The following CPAMD8 variants were observed in gnomAD, a reference collection of about 807,000 sequenced individuals.
CPAMD8 encodes the protein C3 and PZP-like alpha-2-macroglobulin domain-containing protein 8.
A neutral mutation model predicts 224.7 loss-of-function variants in CPAMD8; 146 were observed. That is an observed-to-expected ratio of 0.65 (90% CI 0.57 to 0.75). CPAMD8 has a LOEUF of 0.75. CPAMD8 is among the 30% of genes least tolerant of loss of function. The probability of loss-of-function intolerance (pLI) is 0.00; values close to 1 mark genes in which losing one functional copy is unlikely to be tolerated. For synonymous variants in CPAMD8, 966 were observed against 1,044.6 expected, an observed-to-expected ratio of 0.92 and a Z score of 1.45; for missense variants, 2,301 against 2,537.5, an observed-to-expected ratio of 0.91 and a Z score of 2.00.
At chr19:16,968,254 G>A (rs1014098406) in intron 18 of CPAMD8, among the ~76,000 whole-genome samples, 3 of 152,054 alleles carry the variant, frequency 2.0e-5, no homozygotes, top group African/African-American at 7.2e-5. Flanking sequence ...AGCCTAATCT[G>A]CCAATTCCCC....
At chr19:17,009,096 C>CAA in intron 6 of CPAMD8, 26 of 589,134 alleles carry the variant, frequency 4.4e-5, no homozygotes, top group East Asian at 9.7e-5. Flanking sequence ...GACTCCATTT[C>CAA]AAAAAAAAAA....
At chr19:16,894,458 A>T (rs1165487746) in intron 41 of CPAMD8, 3 of 456,510 alleles carry the variant, frequency 6.6e-6, no homozygotes, top group South Asian at 1.5e-5. Context: ...GAGGAGAAAG[A>T]TTCCTATGGG....
At chr19:17,018,746 A>ACACC in intron 3 of CPAMD8, among the ~76,000 whole-genome samples, 1 of 151,520 alleles carries the variant, frequency 6.6e-6, no homozygotes, top group African/African-American at 2.4e-5. Flanking sequence ...ACACACACAC[A>ACACC]CACACACACA....
intron 35 of CPAMD8, among the ~76,000 whole-genome samples, chr19:16,901,609 C>T (rs1161778648): frequency 6.6e-6 from 1 of 152,204 alleles, no homozygotes; most frequent in Non-Finnish European, 1.5e-5. Context: ...CTGGCGACCC[C>T]ACTCTGGACA....
At position 16,928,967 on chromosome 19, in the gene CPAMD8, A is replaced by G. The variant is rs749628327; in HGVS notation, c.3119T>C (p.Ile1040Thr). 1.2e-5 allele frequency: 19 copies of G among 1,611,594 alleles called. No homozygotes were observed. The South Asian group carries it at 2.1e-4, about 18-fold the overall frequency. ...LSWDEFRTFWISWRGGLIQVG... is the reference protein window; with the variant it reads ...LSWDEFRTFWTSWRGGLIQVG... ...CTGGATAAGGCCACCACGCCAGCTG[A>G]TCCAGAATGTTCTGAATTCATCCCA... Residue 1040 changes from isoleucine to threonine, a missense_variant, in exon 24 of 42, where the codon ATC becomes ACC. Transcript: ENST00000443236.
At chr19:16,939,942 T>A (rs980937242) in intron 22 of CPAMD8, among the ~76,000 whole-genome samples, 1 of 152,002 alleles carries the variant, frequency 6.6e-6, no homozygotes, top group African/African-American at 2.4e-5. Context: ...AGATGGAGTC[T>A]CACTCTGTTG....
At chr19:17,019,971 C>CTTTTTTTTTTTTTTTTT (rs569150151) in intron 3 of CPAMD8, among the ~76,000 whole-genome samples, 10 of 97,888 alleles carry the variant, frequency 1.0e-4, no homozygotes, top group Non-Finnish European at 1.5e-4. Context: ...TTTTTCTTTT[C>CTTTTTTTTTTTTTTTTT]TTTTTTTTTT....
rs762731038 is a variant in CPAMD8 at position 16,914,753 on chromosome 19, G to A, written c.3690C>T (p.Pro1230=). ...AQARSFIFVD[P]RELAAAKSWI... is the part of the protein sequence containing the mutation. ...AGCTCTTGGCGGCAGCCAGCTCCCGGGGGTCCACGAAGATAAAGCTGCGAG... is the reference window on the plus strand; with the variant it reads ...AGCTCTTGGCGGCAGCCAGCTCCCGAGGGTCCACGAAGATAAAGCTGCGAG... The change falls in exon 28 of 42, where the codon CCC becomes CCT. Residue 1230 remains proline, a synonymous_variant. Coordinates refer to ENST00000443236, the MANE Select transcript of CPAMD8 (RefSeq NM_015692.5). 6.8e-6 allele frequency: 11 copies of A among 1,614,006 alleles called. No homozygotes were observed. Among genetic ancestry groups the A allele is most frequent in the South Asian group, 2.2e-5 (2 of 91,088 alleles).
At chr19:16,979,287 CTTCTGT>C (rs1371521597) in intron 14 of CPAMD8, among the ~76,000 whole-genome samples, 2 of 150,630 alleles carry the variant, frequency 1.3e-5, no homozygotes, top group Admixed American at 6.6e-5. Context: ...TCCATCCATC[CTTCTGT>C]ACCTCCATCC....
intron 12 of CPAMD8, among the ~76,000 whole-genome samples, chr19:16,991,428 G>C (rs995408853): frequency 6.6e-6 from 1 of 152,128 alleles, no homozygotes; most frequent in Non-Finnish European, 1.5e-5. Context: ...CCTACCACCT[G>C]TGAAGTGTGG....
intron 3 of CPAMD8, among the ~76,000 whole-genome samples, chr19:17,012,098 C>T (rs531494303): frequency 6.6e-6 from 1 of 152,238 alleles, no homozygotes; most frequent in East Asian, 1.9e-4. Context: ...CAGCTCATTG[C>T]AACCTCTGTC....
intron 21 of CPAMD8, 76 bp from the exon 22 acceptor site, chr19:16,945,755 C>A: frequency 7.2e-7 from 1 of 1,388,570 alleles, no homozygotes; most frequent in Non-Finnish European, 1.0e-6. Context: ...TATCCTTATC[C>A]CAGATGTGTG....
rs1265224881 is a variant in CPAMD8, at chr19:16,898,393, C to T, written c.4849-399G>A. 6.6e-6 allele frequency among the ~76,000 whole-genome samples: 1 copy of T among 151,922 alleles called. No individual in the cohort carries two copies. The highest frequency in any genetic ancestry group is 1.5e-5 in the Non-Finnish European group (1 of 67,962). On this transcript the variant is annotated intron_variant, in intron 37 of 41. Coordinates refer to ENST00000443236, the MANE Select transcript of CPAMD8 (RefSeq NM_015692.5). The surrounding 1 kb of genome is among the most constrained non-coding windows in gnomAD (Gnocchi z 4.2). ...ACTCCTGCCCTCAAGTGATCCGCCTCGGTCCCATTTTTTATTCTTTGGGTC... is the reference window on the plus strand; with the variant it reads ...ACTCCTGCCCTCAAGTGATCCGCCTTGGTCCCATTTTTTATTCTTTGGGTC...
chr19:16,933,804 A>G (rs942616347), intron 23 of CPAMD8, among the ~76,000 whole-genome samples: 5 of 152,226 alleles, frequency 3.3e-5, no homozygotes, highest in Non-Finnish European at 5.9e-5. Flanking sequence ...TTAAACATAC[A>G]CGAACCATAT....
chr19:16,970,890 C>T lies in CPAMD8; in HGVS notation c.2213+1G>A. 6.2e-7 allele frequency: 1 copy of T among 1,613,330 alleles called. No homozygotes were observed. The highest frequency in any genetic ancestry group is 1.1e-5 in the South Asian group (1 of 91,040). ...ACCTTGCTCAATGTATAAGCCGTTA[C>T]CTGGGGGGGTGCCTGGAAGGAGCCA... On this transcript the variant is annotated splice_donor_variant, in intron 18 of 41. Coordinates refer to ENST00000443236, the MANE Select transcript of CPAMD8 (RefSeq NM_015692.5). LOFTEE classifies it high-confidence loss of function.
At chr19:16,934,263 C>G (rs528171228) in intron 23 of CPAMD8, among the ~76,000 whole-genome samples, 65 of 152,158 alleles carry the variant, frequency 4.3e-4, no homozygotes, top group African/African-American at 1.5e-3. Context: ...GTTTCACAGA[C>G]GTACATATAT....
Position 16,980,490 on chromosome 19 carries a change from G to A in CPAMD8, c.1585+7C>T, listed in dbSNP as rs376502447. On this transcript the variant is annotated splice_region_variant and intron_variant, in intron 14 of 41. Coordinates refer to ENST00000443236, the MANE Select transcript of CPAMD8 (RefSeq NM_015692.5). The stretch of plus-strand genomic sequence containing the variant: ...AACAGGAACCTTCTCCCTGCTGCCC[G>A]GCTCACCTGTCTCAGAAAGGTGTGT... 146 of 1,611,492 alleles carry A rather than the reference G, an allele frequency of 9.1e-5. No homozygotes were observed. In the African/African-American group the frequency reaches 1.1e-3, roughly 12 times the overall value.
At position 16,927,235 on chromosome 19, in the gene CPAMD8, G is replaced by A. The variant is rs974396897; in HGVS notation, c.3370+774C>T. On this transcript the variant is annotated intron_variant, in intron 25 of 41. Coordinates refer to ENST00000443236, the MANE Select transcript of CPAMD8 (RefSeq NM_015692.5). ...TGGGAGATAACTGAATTATGGGGGC[G>A]GCTTCCCCATACTGTTCTCGCAGTA... 4.6e-5 allele frequency among the ~76,000 whole-genome samples: 7 copies of A among 152,014 alleles called. No individual in the cohort carries two copies. In the East Asian group the frequency reaches 7.7e-4, roughly 17 times the overall value.
In CPAMD8 at chr19:16,893,277, G is replaced by A; in HGVS notation, c.5489C>T (p.Ala1830Val). The A allele has an allele frequency of 1.3e-6, 2 of 1,563,260 alleles. No homozygotes were observed. Among genetic ancestry groups the A allele is most frequent in the Non-Finnish European group, 1.7e-6 (2 of 1,153,608 alleles). The change falls in exon 42 of 42, where the codon GCC (alanine) becomes GTC (valine). Residue 1830 changes from alanine (A) to valine (V), a missense_variant. By Grantham distance (64) the Ala-to-Val change is moderately conservative. Around this residue, in one of 4 missense-constraint regions of CPAMD8, gnomAD observed 1,709 missense variants for 1,753.2 expected, o/e 0.97. Transcript: ENST00000443236. ...SGNLESSTQSASPFHRWGQTP... is the reference protein window; with the variant it reads ...SGNLESSTQSVSPFHRWGQTP... ...CTGGCCCCATCTGTGGAACGGGCTG[G>A]CGCTCTGGGTGCTGCTTTCCAGGTT...
Sources: allele counts gnomAD v4.1 joint callset (sites outside exome capture counted in the v4.1 genomes callset), GRCh38; gene constraint gnomAD v4.1.1; regional missense constraint gnomAD v4.1.1; non-coding constraint Gnocchi (gnomAD v3.1); transcripts MANE v1.5; gene names NCBI Gene and HGNC (gene_info 2026-07-23, HGNC 2026-07-21).